Variants in ATP2B2 observed in about 807,000 individuals in gnomAD.
The protein encoded by ATP2B2 is ATPase plasma membrane Ca2+ transporting 2, also known as plasma membrane calcium-transporting ATPase 2.
ATP2B2 carries 15 observed loss-of-function variants against 120.0 expected under a neutral mutation model. The observed-to-expected ratio is 0.12, with a 90% CI of 0.08 to 0.19. The LOEUF is 0.19. ATP2B2 is among the 10% of genes least tolerant of loss of function. The pLI, the probability that ATP2B2 is intolerant of heterozygous loss-of-function variation, is 1.00. For synonymous variants in ATP2B2, 694 were observed against 700.3 expected (o/e 0.99, Z 0.14); for missense variants, 1,045 against 1,719.8 (o/e 0.61, Z 6.94).
At chr3:10,485,647 CG>C (rs2065616263) in intron 1 of ATP2B2, among the ~76,000 whole-genome samples, 2 of 152,188 alleles carry the variant, frequency 1.3e-5, no homozygotes, top group African/African-American at 4.8e-5. Context: ...GGTGGTGACG[CG>C]GGAGTGGAGT....
intron 1 of ATP2B2, among the ~76,000 whole-genome samples, chr3:10,662,133 A>G (rs2070798742): frequency 6.6e-6 from 1 of 152,200 alleles, no homozygotes. Context: ...GTTAGACCTA[A>G]AACCATAAAA....
chr3:10,431,032 T>C (rs1348644421), intron 2 of ATP2B2, among the ~76,000 whole-genome samples: 2 of 151,908 alleles, frequency 1.3e-5, no homozygotes, highest in Non-Finnish European at 2.9e-5. Flanking sequence ...TACCCAAAGA[T>C]AAGTGGAGCG....
chr3:10,705,750 T>C (rs992668511), intron 1 of ATP2B2, among the ~76,000 whole-genome samples: 2 of 152,206 alleles, frequency 1.3e-5, no homozygotes, highest in African/African-American at 4.8e-5. Flanking sequence ...CAAAAAATAA[T>C]TGCTCAAAAA....
At chr3:10,443,525 C>T (rs912122243) in intron 2 of ATP2B2, among the ~76,000 whole-genome samples, 9 of 151,960 alleles carry the variant, frequency 5.9e-5, no homozygotes, top group Non-Finnish European at 7.4e-5. Context: ...CCGCATTGAC[C>T]GGGATGGGAG....
At chr3:10,666,156 A>C (rs942075656) in intron 1 of ATP2B2, among the ~76,000 whole-genome samples, 1 of 152,046 alleles carries the variant, frequency 6.6e-6, no homozygotes, top group Non-Finnish European at 1.5e-5. Flanking sequence ...CCCCAAATAC[A>C]CTAACTCAGA....
At chr3:10,575,794 T>C (rs12632101) in intron 2 of ATP2B2, among the ~76,000 whole-genome samples, 46,817 of 152,048 alleles carry the variant, frequency 0.31, 7,716 homozygotes, top group East Asian at 0.5. Flanking sequence ...CTATGTAGGG[T>C]TGCATTTGGG....
chr3:10,402,965 T>G lies in ATP2B2; in HGVS notation c.398-617A>C, dbSNP rs1466451365. On this transcript the variant is annotated intron_variant, in intron 3 of 22. Transcript: ENST00000360273. The surrounding 1 kb of genome is among the most constrained non-coding windows in gnomAD (Gnocchi z 4.9). ...TTTTCCAGAACAAAGGCAGCCAATA[T>G]TACACTTGCTTTAGGGTCTGAAAAG... Among the ~76,000 whole-genome samples, 2 of 149,244 alleles carry G rather than the reference T, an allele frequency of 1.3e-5. No individual in the cohort carries two copies. The highest frequency in any genetic ancestry group is 2.6e-5 in the African/African-American group (1 of 38,578).
intron 10 of ATP2B2, among the ~76,000 whole-genome samples, chr3:10,376,938 C>G (rs2061397358): frequency 6.6e-6 from 1 of 152,194 alleles, no homozygotes; most frequent in Non-Finnish European, 1.5e-5. Flanking sequence ...CTGCCCCCGG[C>G]TTCTTCCCTA....
At chr3:10,705,417 A>G (rs1296262113) in intron 1 of ATP2B2, among the ~76,000 whole-genome samples, 1 of 152,228 alleles carries the variant, frequency 6.6e-6, no homozygotes, top group Non-Finnish European at 1.5e-5. Flanking sequence ...TGTCAAAGTC[A>G]TAACTCATGT....
chr3:10,447,608 A>C (rs1443917811), intron 2 of ATP2B2, among the ~76,000 whole-genome samples: 1 of 152,248 alleles, frequency 6.6e-6, no homozygotes. Flanking sequence ...CCCAGTCCCC[A>C]ATCAACAGGC....
At chr3:10,336,515 AG>A (rs1356533930) in intron 22 of ATP2B2, among the ~76,000 whole-genome samples, 4 of 152,212 alleles carry the variant, frequency 2.6e-5, no homozygotes, top group African/African-American at 9.6e-5. Context: ...GGGAGGACAC[AG>A]GGGGTCCGGC....
chr3:10,681,256 C>A (rs376848368), intron 1 of ATP2B2, among the ~76,000 whole-genome samples: 1 of 152,226 alleles, frequency 6.6e-6, no homozygotes, highest in East Asian at 1.9e-4. Flanking sequence ...CATTCCCCAA[C>A]CTTCCCTGTG....
At position 10,331,655 on chromosome 3, in the gene ATP2B2, TG is replaced by T. The variant is rs1181987167; in HGVS notation, c.3421-2531del. On this transcript the variant is annotated intron_variant, in intron 22 of 22. Coordinates refer to ENST00000360273, the MANE Select transcript of ATP2B2 (RefSeq NM_001001331.4). ...TCCGAGGCTGAAATGGAAAAAACTA[TG>T]GGAAAAAAAAAAAAGGCTCTTCCAT... Among the ~76,000 whole-genome samples the T allele has an allele frequency of 2.0e-3, 173 of 85,096 alleles. 2 individuals carry two copies. The highest frequency in any genetic ancestry group is 7.6e-3 in the African/African-American group (163 of 21,386). 55.8% of individuals were successfully genotyped at this position (85,096 alleles called of 152,430 possible). A position where few individuals can be genotyped will look rare whatever the true frequency, so the allele number is the denominator to read the frequency against.
At chr3:10,565,935 G>A (rs1167958121) in intron 2 of ATP2B2, among the ~76,000 whole-genome samples, 4 of 151,710 alleles carry the variant, frequency 2.6e-5, no homozygotes, top group Non-Finnish European at 2.9e-5. Flanking sequence ...TCCACCTACC[G>A]ACCCCCTCAG....
At chr3:10,438,097 C>T (rs528985211) in intron 2 of ATP2B2, among the ~76,000 whole-genome samples, 2 of 152,294 alleles carry the variant, frequency 1.3e-5, no homozygotes, top group East Asian at 3.9e-4. Flanking sequence ...TCTCTGCCCC[C>T]TGGCCCATAC....
At chr3:10,693,930 G>A (rs1424714627) in intron 1 of ATP2B2, among the ~76,000 whole-genome samples, 6 of 152,168 alleles carry the variant, frequency 3.9e-5, no homozygotes, top group African/African-American at 1.4e-4. Context: ...TCTGTTGCAG[G>A]CACCATGCAG....
chr3:10,483,981 C>T (rs537223343), intron 1 of ATP2B2, among the ~76,000 whole-genome samples: 1 of 152,172 alleles, frequency 6.6e-6, no homozygotes, highest in Admixed American at 6.5e-5. Flanking sequence ...AGAAAGATGC[C>T]CCCTGGGGAG....
intron 2 of ATP2B2, among the ~76,000 whole-genome samples, chr3:10,581,490 A>G (rs1381394957): frequency 6.6e-6 from 1 of 152,214 alleles, no homozygotes; most frequent in Non-Finnish European, 1.5e-5. Flanking sequence ...CCACAGCCAC[A>G]GTGATGAGGA....
At chr3:10,595,905 A>G (rs921274030) in intron 2 of ATP2B2, among the ~76,000 whole-genome samples, 1 of 152,084 alleles carries the variant, frequency 6.6e-6, no homozygotes, top group Admixed American at 6.6e-5. Flanking sequence ...GTCCCCTTTG[A>G]GCACCATACT....
Sources: gnomAD v4.1 joint callset for allele counts (sites outside exome capture counted in the v4.1 genomes callset) on GRCh38, gnomAD v4.1.1 for gene constraint, Gnocchi (gnomAD v3.1) non-coding constraint, MANE v1.5 for transcripts, NCBI Gene and HGNC (gene_info 2026-07-23, HGNC 2026-07-21) for gene names.